DOCK7: variants seen among roughly 807,000 people sequenced by gnomAD.
DOCK7 encodes the protein dedicator of cytokinesis protein 7.
Under a neutral mutation model 271.0 loss-of-function variants are expected in DOCK7, and 138 were observed. The ratio of observed to expected loss-of-function variants is 0.51; its 90% CI spans 0.44 to 0.59. DOCK7 has a LOEUF of 0.59. DOCK7 is among the 20% of genes least tolerant of loss of function. The probability of loss-of-function intolerance (pLI) is 0.00; values close to 1 mark genes in which losing one functional copy is unlikely to be tolerated. For synonymous variants in DOCK7, 823 were observed against 876.1 expected, an observed-to-expected ratio of 0.94 and a Z score of 1.07; for missense variants, 2,066 against 2,592.4, an observed-to-expected ratio of 0.80 and a Z score of 4.41.
intron 39 of DOCK7, chr1:62,494,699 A>G (rs570847025): frequency 1.9e-5 from 7 of 362,902 alleles, no homozygotes; most frequent in African/African-American, 1.0e-4. Flanking sequence ...GAAATACGCC[A>G]TATTAAATTC....
chr1:62,460,009 A>T (rs1184783823), intron 48 of DOCK7, among the ~76,000 whole-genome samples: 1 of 145,910 alleles, frequency 6.9e-6, no homozygotes, highest in African/African-American at 2.5e-5. Flanking sequence ...CTGAGGCAGG[A>T]GAATGGCATG....
rs544767372 is a variant in DOCK7, at chr1:62,533,370, A to T, written c.3611+2123T>A. On this transcript the variant is annotated intron_variant, in intron 29 of 49. Coordinates refer to ENST00000635253, the MANE Select transcript of DOCK7 (RefSeq NM_001367561.1). ...ATGAGTGAGCTATACCAGTTATTTTAAAAAGCTAGTATGTTTAGGTAAGTT... is the reference window on the plus strand; with the variant it reads ...ATGAGTGAGCTATACCAGTTATTTTTAAAAGCTAGTATGTTTAGGTAAGTT... 6.6e-5 allele frequency among the ~76,000 whole-genome samples: 10 copies of T among 152,326 alleles called. No homozygotes were observed. The South Asian group carries it at 2.1e-3, about 32-fold the overall frequency.
At chr1:62,504,456 T>C (rs376907713) in intron 37 of DOCK7, among the ~76,000 whole-genome samples, 174 bp downstream of exon 37, 21 of 152,200 alleles carry the variant, frequency 1.4e-4, no homozygotes, top group African/African-American at 3.9e-4. Flanking sequence ...ATGCACACAA[T>C]TGGAGATTTG....
At chr1:62,514,131 T>C (rs1302059376) in intron 31 of DOCK7, among the ~76,000 whole-genome samples, 1 of 152,180 alleles carries the variant, frequency 6.6e-6, no homozygotes, top group East Asian at 1.9e-4. Context: ...TTTAATCTAC[T>C]GCATGACTGC....
intron 11 of DOCK7, chr1:62,627,777 A>G (rs1471952005): frequency 4.6e-5 from 7 of 152,210 alleles, no homozygotes; most frequent in Non-Finnish European, 1.0e-4. Flanking sequence ...AGATTCAAAG[A>G]TTTAAAATTG....
At chr1:62,537,693 C>T (rs1645392457) in intron 28 of DOCK7, among the ~76,000 whole-genome samples, 198 bp downstream of exon 28, 1 of 151,972 alleles carries the variant, frequency 6.6e-6, no homozygotes, top group East Asian at 1.9e-4. Flanking sequence ...GTTTTTCTAA[C>T]CTGCAAAATG....
intron 14 of DOCK7, among the ~76,000 whole-genome samples, chr1:62,617,210 A>G (rs964476696): frequency 2.6e-5 from 4 of 151,910 alleles, no homozygotes; most frequent in African/African-American, 9.7e-5. Flanking sequence ...GGGAGGAAAT[A>G]ATTGATTGTT....
Position 62,578,946 on chromosome 1 carries a change from T to A in DOCK7, c.1892A>T (p.Glu631Val). ...YHNRSPDFHE[E>V]IKVKLPATLT... ...AGTAGCAGGAAGCTTAACCTTGATT[T>A]CTTCATGAAAATCAGGAGACCTTCA... The change falls in exon 17 of 50, where the codon GAA (glutamate) becomes GTA (valine). Residue 631 changes from glutamate (E) to valine (V), a missense_variant. By Grantham distance (121) the Glu-to-Val change is moderately radical. Coordinates refer to ENST00000635253, the MANE Select transcript of DOCK7 (RefSeq NM_001367561.1). The A allele has an allele frequency of 6.3e-7, 1 of 1,582,218 alleles. No individual in the cohort carries two copies. The highest frequency in any genetic ancestry group is 8.6e-7 in the Non-Finnish European group (1 of 1,169,392).
At chr1:62,670,668 A>T (rs1232046026) in intron 1 of DOCK7, among the ~76,000 whole-genome samples, 2 of 151,822 alleles carry the variant, frequency 1.3e-5, no homozygotes, top group Non-Finnish European at 2.9e-5. Flanking sequence ...TATGTGTGGA[A>T]ACTCTGTATC....
chr1:62,598,803 T>G (rs1557778269), intron 14 of DOCK7: 1 of 1,557,652 alleles, frequency 6.4e-7, no homozygotes, highest in Non-Finnish European at 8.9e-7. Context: ...AAATAGAAAA[T>G]CAGGTAAGTC....
At chr1:62,476,700 T>C (rs1645978204) in intron 44 of DOCK7, among the ~76,000 whole-genome samples, 1 of 152,198 alleles carries the variant, frequency 6.6e-6, no homozygotes, top group Non-Finnish European at 1.5e-5. Context: ...GACTACTCCA[T>C]ATGACACTGA....
chr1:62,661,777 A>G (rs1380531317), intron 2 of DOCK7, among the ~76,000 whole-genome samples: 1 of 152,184 alleles, frequency 6.6e-6, no homozygotes, highest in African/African-American at 2.4e-5. Context: ...TGTAAAACTA[A>G]GATTACATAT....
Position 62,625,286 on chromosome 1 carries a change from A to G in DOCK7, c.1398T>C (p.Thr466=). 6.2e-7 allele frequency: 1 copy of G among 1,614,036 alleles called. No individual in the cohort carries two copies. Among genetic ancestry groups the G allele is most frequent in the Non-Finnish European group, 8.5e-7 (1 of 1,179,964 alleles). Residue 466 remains threonine (T), a synonymous_variant, in exon 12 of 50, where the codon ACT becomes ACC. Coordinates refer to ENST00000635253, the MANE Select transcript of DOCK7 (RefSeq NM_001367561.1). ...ACNLTSFRPA[T]LTVTNFFKQE... ...GCTTAAAAAAATTTGTCACTGTGAG[A>G]GTAGCTGGTCGAAAGCTCGTCAAGT... is the stretch of plus-strand genomic sequence containing the variant.
intron 36 of DOCK7, 144 bp downstream of exon 36, chr1:62,505,538 T>A: frequency 1.1e-6 from 1 of 906,318 alleles, no homozygotes. Flanking sequence ...GAATTAAGGG[T>A]CTTAGGTTAT....
chr1:62,518,399 G>A (rs1644738937), intron 31 of DOCK7, among the ~76,000 whole-genome samples: 1 of 152,126 alleles, frequency 6.6e-6, no homozygotes, highest in Admixed American at 6.5e-5. Context: ...GTGAAACCCT[G>A]TGTCTACTAA....
At chr1:62,566,434 C>T (rs1033214315) in intron 18 of DOCK7, among the ~76,000 whole-genome samples, 12 of 152,148 alleles carry the variant, frequency 7.9e-5, no homozygotes, top group African/African-American at 2.7e-4. Context: ...CTGACAAAAA[C>T]AAGCAATGGG....
chr1:62,582,768 C>T (rs1647177613), intron 16 of DOCK7, among the ~76,000 whole-genome samples: 2 of 151,882 alleles, frequency 1.3e-5, no homozygotes. Flanking sequence ...TTAGCAATTT[C>T]CCAAGGAAGA....
chr1:62,502,258 G>A (rs1005803702), intron 37 of DOCK7, among the ~76,000 whole-genome samples: 1 of 152,090 alleles, frequency 6.6e-6, no homozygotes, highest in Non-Finnish European at 1.5e-5. Flanking sequence ...ACACACGAAT[G>A]CACTGAGAAC....
chr1:62,646,022 C>T (rs1243557482), intron 7 of DOCK7, among the ~76,000 whole-genome samples: 1 of 152,024 alleles, frequency 6.6e-6, no homozygotes, highest in Non-Finnish European at 1.5e-5. Flanking sequence ...TGACATGCAC[C>T]TGTAATCCCA....
Sources: gnomAD v4.1 joint callset for allele counts (sites outside exome capture counted in the v4.1 genomes callset) on GRCh38, gnomAD v4.1.1 for gene constraint, MANE v1.5 for transcripts, NCBI Gene and HGNC (gene_info 2026-07-23, HGNC 2026-07-21) for gene names.